Variants in MME observed in about 807,000 individuals in gnomAD.
MME encodes the protein membrane metalloendopeptidase, also known as neprilysin.
A neutral mutation model predicts 113.2 loss-of-function variants in MME; 98 were observed. The observed-to-expected ratio is 0.87, with a 90% CI of 0.74 to 1.02. The LOEUF is 1.02. MME is among the 50% of genes least tolerant of loss of function. MME has a pLI of 0.00. For synonymous variants in MME, 292 were observed against 300.6 expected, an observed-to-expected ratio of 0.97 and a Z score of 0.30; for missense variants, 836 against 896.0, an observed-to-expected ratio of 0.93 and a Z score of 0.86.
intron 8 of MME, among the ~76,000 whole-genome samples, chr3:155,127,007 CAAA>C (rs781764437): frequency 1.5e-4 from 10 of 65,090 alleles, no homozygotes; most frequent in Admixed American, 1.8e-4. Flanking sequence ...AACTCCATCT[CAAA>C]AAAAAAAAAA....
chr3:155,060,672 G>C (rs80208435), intron 1 of MME, among the ~76,000 whole-genome samples: 3 of 152,046 alleles, frequency 2.0e-5, no homozygotes, highest in African/African-American at 7.2e-5. Flanking sequence ...AAGAATTGCC[G>C]CAATAAATAT....
Position 155,172,118 on chromosome 3 carries a change from C to G in MME, c.1982C>G (p.Ala661Gly). The G allele has an allele frequency of 6.4e-7, 1 of 1,561,504 alleles. No homozygotes were observed. Reference protein sequence around the residue: ...DNGGLGQAYRAYQNYIKKNGE... With the variant: ...DNGGLGQAYRGYQNYIKKNGE... ...TTTTCTATTTTATCAACTGCCTAGG[C>G]CTATCAGAATTATATTAAAAAGAAT... is the stretch of plus-strand genomic sequence containing the variant. The change falls in exon 21 of 23, where the codon GCC (alanine) becomes GGC (glycine). Residue 661 changes from alanine to glycine, a missense_variant and splice_region_variant. By Grantham distance (60) the Ala-to-Gly change is moderately conservative (BLOSUM62 0). Coordinates refer to ENST00000360490, the MANE Select transcript of MME (RefSeq NM_007289.4).
intron 9 of MME, 140 bp downstream of exon 9, chr3:155,138,376 A>T: frequency 1.2e-6 from 1 of 808,548 alleles, no homozygotes; most frequent in Non-Finnish European, 2.0e-6. Context: ...TAGATCATTG[A>T]CTTCAAAAGG....
At chr3:155,034,722 C>T (rs1294173166) in intron 1 of MME, among the ~76,000 whole-genome samples, 1 of 152,140 alleles carries the variant, frequency 6.6e-6, no homozygotes, top group Non-Finnish European at 1.5e-5. Context: ...ATACTCACTG[C>T]CTCTTCTGCC....
At chr3:155,166,499 A>G (rs1723105150) in intron 17 of MME, among the ~76,000 whole-genome samples, 1 of 152,180 alleles carries the variant, frequency 6.6e-6, no homozygotes, top group Non-Finnish European at 1.5e-5. Context: ...TATTTCTTCC[A>G]AATATTTATA....
chr3:155,127,287 G>A (rs1009093761), intron 8 of MME, among the ~76,000 whole-genome samples: 2 of 152,070 alleles, frequency 1.3e-5, no homozygotes, highest in Non-Finnish European at 2.9e-5. Flanking sequence ...TCTGGGAGCC[G>A]GCTTTCTTTG....
chr3:155,180,091 GAAACCAAGGCAC>G (rs758284776), intron 22 of MME, among the ~76,000 whole-genome samples: 1 of 152,164 alleles, frequency 6.6e-6, no homozygotes, highest in Non-Finnish European at 1.5e-5. Context: ...CTATTGTGCA[GAAACCAAGGCAC>G]AAAGAAGCTT....
At chr3:155,077,186 T>G (rs1714776388), upstream of MME, among the ~76,000 whole-genome samples, 1 of 152,178 alleles carries the variant, frequency 6.6e-6, no homozygotes, top group Non-Finnish European at 1.5e-5. Context: ...TTCTTTTACT[T>G]GCCTGCTGGC....
chr3:155,169,031 T>A, intron 20 of MME: 1 of 494,112 alleles, frequency 2.0e-6, no homozygotes, highest in Non-Finnish European at 3.6e-6. Context: ...GAAGAGAAAA[T>A]ATGGAATATT....
chr3:155,135,051 C>G (rs1479150415), intron 8 of MME, among the ~76,000 whole-genome samples: 1 of 151,886 alleles, frequency 6.6e-6, no homozygotes, highest in African/African-American at 2.4e-5. Context: ...TTCTTGGATG[C>G]CTAGTTTGGG....
intron 1 of MME, among the ~76,000 whole-genome samples, chr3:155,031,731 C>T (rs2108114081): frequency 6.6e-6 from 1 of 152,300 alleles, no homozygotes; most frequent in African/African-American, 2.4e-5. Flanking sequence ...GATCTTGGCT[C>T]ACTGCAACCT....
chr3:155,156,252 C>A (rs1463395437), intron 16 of MME, among the ~76,000 whole-genome samples: 2 of 152,126 alleles, frequency 1.3e-5, no homozygotes, highest in Non-Finnish European at 2.9e-5. Flanking sequence ...CCTTTATAAT[C>A]TGGTGATAAT....
upstream of MME, among the ~76,000 whole-genome samples, chr3:155,077,706 T>C (rs1299024637): frequency 6.8e-6 from 1 of 146,854 alleles, no homozygotes; most frequent in Non-Finnish European, 1.5e-5. Context: ...CAGACCCTCA[T>C]CTAAACAAAA....
chr3:155,171,980 G>T, intron 20 of MME, 137 bp from the exon 21 acceptor site: 3 of 632,260 alleles, frequency 4.7e-6, no homozygotes, highest in Admixed American at 2.9e-5. Flanking sequence ...AATAGTTGTA[G>T]GTTACCATAA....
intron 22 of MME, among the ~76,000 whole-genome samples, chr3:155,176,267 T>C (rs1003795161): frequency 2.0e-5 from 3 of 152,190 alleles, no homozygotes; most frequent in Non-Finnish European, 4.4e-5. Flanking sequence ...TAGATGTTTT[T>C]AATGCAAGTA....
At chr3:155,049,068 T>C (rs1166242495) in intron 1 of MME, among the ~76,000 whole-genome samples, 2 of 152,156 alleles carry the variant, frequency 1.3e-5, no homozygotes, top group Non-Finnish European at 2.9e-5. Context: ...TGCTTCATTA[T>C]TTTATTTTTT....
At chr3:155,172,832 T>A (rs1712135498) in intron 22 of MME, among the ~76,000 whole-genome samples, 1 of 151,848 alleles carries the variant, frequency 6.6e-6, no homozygotes, top group Non-Finnish European at 1.5e-5. Context: ...ATAATTATAA[T>A]TCCTTAGAAT....
chr3:155,155,111 C>G (rs893152520), intron 16 of MME, among the ~76,000 whole-genome samples: 3 of 152,188 alleles, frequency 2.0e-5, no homozygotes, highest in East Asian at 3.9e-4. Context: ...GTTCTATTGG[C>G]AAAAAGATTT....
intron 20 of MME, among the ~76,000 whole-genome samples, chr3:155,169,183 C>T (rs142264220): frequency 1.1e-3 from 163 of 152,228 alleles, no homozygotes; most frequent in African/African-American, 3.8e-3. Flanking sequence ...AGAAACAGGA[C>T]CTTCAGTTTT....
Sources: allele counts gnomAD v4.1 joint callset (sites outside exome capture counted in the v4.1 genomes callset), GRCh38; gene constraint gnomAD v4.1.1; transcripts MANE v1.5; gene names NCBI Gene and HGNC (gene_info 2026-07-23, HGNC 2026-07-21).